The following CHEK1 variants were observed in gnomAD, a reference collection of about 807,000 sequenced individuals.
The protein encoded by CHEK1 is checkpoint kinase 1.
In CHEK1, 32 loss-of-function variants were observed where a neutral mutation model predicts 60.2. The observed-to-expected ratio is 0.53, with a 90% CI of 0.40 to 0.71. CHEK1 has a LOEUF of 0.71. Among genes scored for constraint, CHEK1 ranks in the 30% least tolerant of loss-of-function variants. The pLI is 0.00. For missense variants in CHEK1, 399 were observed against 564.6 expected, an observed-to-expected ratio of 0.71 and a Z score of 2.97; for synonymous variants, 179 against 187.2, an observed-to-expected ratio of 0.96 and a Z score of 0.36.
At chr11:125,678,023 A>C (rs959644138), downstream of CHEK1, 1 of 1,614,054 alleles carries the variant, frequency 6.2e-7, no homozygotes, top group Non-Finnish European at 8.5e-7. Context: ...GCTCACCTAC[A>C]GTATGCTCAC....
chr11:125,674,393 A>G (rs1233806334), intron 13 of CHEK1, among the ~76,000 whole-genome samples: 1 of 152,204 alleles, frequency 6.6e-6, no homozygotes, highest in Non-Finnish European at 1.5e-5. Flanking sequence ...AATTGTTAGC[A>G]TTTCGATTAG....
At chr11:125,654,078 C>T (rs529331291) in intron 12 of CHEK1, among the ~76,000 whole-genome samples, 10 of 152,128 alleles carry the variant, frequency 6.6e-5, no homozygotes, top group African/African-American at 2.4e-4. Flanking sequence ...TGCCTGTAAT[C>T]CCAGCACTTT....
chr11:125,676,341 C>A, downstream of CHEK1: 1 of 1,613,694 alleles, frequency 6.2e-7, no homozygotes, highest in South Asian at 1.1e-5. Flanking sequence ...GAAATTGCCT[C>A]ATGAAGTCCC....
chr11:125,668,125 C>T (rs1942131057), intron 13 of CHEK1, among the ~76,000 whole-genome samples: 1 of 152,178 alleles, frequency 6.6e-6, no homozygotes, highest in Non-Finnish European at 1.5e-5. Context: ...TGATATAACA[C>T]TATTGTCTAG....
chr11:125,672,564 T>C, intron 13 of CHEK1: 1 of 1,611,652 alleles, frequency 6.2e-7, no homozygotes, highest in Middle Eastern at 1.7e-4. Context: ...TTTTACTGCC[T>C]GAGTCAAAAC....
chr11:125,680,652 T>TC, downstream of CHEK1: 3 of 1,335,854 alleles, frequency 2.2e-6, no homozygotes, highest in Non-Finnish European at 3.2e-6. Context: ...GAGAGACTGG[T>TC]CTTCCTTCTT....
downstream of CHEK1, among the ~76,000 whole-genome samples, chr11:125,679,170 G>A (rs955407376): frequency 2.1e-5 from 3 of 144,188 alleles, no homozygotes; most frequent in African/African-American, 7.7e-5. Context: ...CTCTTACATG[G>A]TTATTTTTTT....
intron 11 of CHEK1, 90 bp downstream of exon 11, chr11:125,644,733 A>G (rs2136030600): frequency 7.1e-7 from 1 of 1,411,774 alleles, no homozygotes. Flanking sequence ...TTTTAAATAT[A>G]GGCTGTGGCT....
chr11:125,652,644 T>G (rs1050750393), intron 11 of CHEK1, among the ~76,000 whole-genome samples: 3 of 152,196 alleles, frequency 2.0e-5, no homozygotes, highest in Admixed American at 2.0e-4. Flanking sequence ...ATGAGTGAGA[T>G]TATCAGCATA....
At position 125,625,616 on chromosome 11, in the gene CHEK1, G is replaced by GC; in HGVS notation, c.-413dup. The GC allele has an allele frequency of 1.7e-6, 1 of 596,330 alleles. No individual in the cohort carries two copies. Among genetic ancestry groups the GC allele is most frequent in the South Asian group, 2.0e-5 (1 of 49,906 alleles). 36.9% of individuals were successfully genotyped at this position (596,330 alleles called of 1,614,324 possible). On this transcript the variant is annotated 5_prime_UTR_variant, in exon 1 of 13. Transcript: ENST00000438015. ...AGAGCGGCCAGGAGCGAAGCCCGCA[G>GC]CCCCGCCTGGAAGCGCAGCGCGGTC...
intron 13 of CHEK1, among the ~76,000 whole-genome samples, chr11:125,666,624 G>C (rs1028322040): frequency 3.9e-5 from 6 of 151,900 alleles, no homozygotes; most frequent in Non-Finnish European, 8.8e-5. Flanking sequence ...TATTGCAGTC[G>C]GTCTCTTCCT....
downstream of CHEK1, among the ~76,000 whole-genome samples, chr11:125,679,003 C>G (rs949819222): frequency 1.3e-4 from 7 of 52,878 alleles, no homozygotes; most frequent in Non-Finnish European, 2.4e-4. Flanking sequence ...TATATAGACA[C>G]ACACACATAT....
rs540266404 is a variant in CHEK1, at chr11:125,651,381, G to A, written c.1234-2365G>A. Among the ~76,000 whole-genome samples the A allele has an allele frequency of 5.7e-4, 85 of 149,408 alleles. 1 individual carries two copies. Among genetic ancestry groups the A allele is most frequent in the Admixed American group, 1.6e-3 (24 of 14,682 alleles). ...CAGCCCACTGCAACCTCTGCATCCC[G>A]GGTTCAAGCGATTCTCCTGCCTCAG... is the stretch of plus-strand genomic sequence containing the variant. On this transcript the variant is annotated intron_variant, in intron 11 of 12. Coordinates refer to ENST00000438015, the MANE Select transcript of CHEK1 (RefSeq NM_001114122.3).
chr11:125,633,042 G>T, intron 5 of CHEK1, 121 bp from the exon 6 acceptor site: 2 of 788,688 alleles, frequency 2.5e-6, no homozygotes, highest in Non-Finnish European at 3.8e-6. Flanking sequence ...CTTATTTTAA[G>T]AGAAGTTCTA....
chr11:125,626,718 T>G (rs1940629010), intron 1 of CHEK1, 31 bp from the exon 2 acceptor site: 1 of 1,606,064 alleles, frequency 6.2e-7, no homozygotes, highest in Admixed American at 1.7e-5. Context: ...TCTTACACTC[T>G]ACATCTTTTC....
Position 125,645,316 on chromosome 11 carries a change from C to T in CHEK1, c.1233+673C>T, listed in dbSNP as rs552705911. Among the ~76,000 whole-genome samples the T allele has an allele frequency of 1.4e-4, 22 of 152,246 alleles. 1 individual carries two copies. The highest frequency in any genetic ancestry group is 5.3e-4 in the African/African-American group (22 of 41,548). On this transcript the variant is annotated intron_variant, in intron 11 of 12. Transcript: ENST00000438015. ...ATACATTAGCAATCCCACACTTTCT[C>T]CCATCTCCCTTGATTGCACCCGTCA... is the stretch of plus-strand genomic sequence containing the variant.
intron 9 of CHEK1, 23 bp downstream of exon 9, chr11:125,643,923 A>C (rs1273094893): frequency 6.3e-7 from 1 of 1,592,652 alleles, no homozygotes; most frequent in Admixed American, 1.7e-5. Flanking sequence ...AAGATTGAGT[A>C]GTTTTTGATT....
chr11:125,649,379 A>G (rs1212835995), intron 11 of CHEK1, among the ~76,000 whole-genome samples: 1 of 150,794 alleles, frequency 6.6e-6, no homozygotes, highest in Non-Finnish European at 1.5e-5. Context: ...TATTGTTTCC[A>G]TGGTCTATTT....
chr11:125,676,624 T>C, downstream of CHEK1: 1 of 1,037,814 alleles, frequency 9.6e-7, no homozygotes, highest in Non-Finnish European at 1.4e-6. Context: ...GGGCCCTGTG[T>C]CTGATAGACC....
Sources: allele counts gnomAD v4.1 joint callset (sites outside exome capture counted in the v4.1 genomes callset), GRCh38; gene constraint gnomAD v4.1.1; transcripts MANE v1.5; gene names NCBI Gene and HGNC (gene_info 2026-07-23, HGNC 2026-07-21).